DLG2: variants seen among roughly 807,000 people sequenced by gnomAD.
The protein encoded by DLG2 is discs large MAGUK scaffold protein 2.
Under a neutral mutation model 132.5 loss-of-function variants are expected in DLG2, and 45 were observed. That is an observed-to-expected ratio of 0.34 (90% CI 0.27 to 0.44). The LOEUF is 0.44. Ranked by LOEUF, DLG2 falls within the 20% of genes least tolerant of loss-of-function variation. The pLI is 1.00. For synonymous variants in DLG2, 424 were observed against 419.6 expected (o/e 1.01, Z -0.13); for missense variants, 1,045 against 1,196.9 (o/e 0.87, Z 1.87).
intron 7 of DLG2, among the ~76,000 whole-genome samples, chr11:84,356,238 G>C (rs932114525): frequency 6.6e-6 from 1 of 152,050 alleles, no homozygotes; most frequent in Non-Finnish European, 1.5e-5. Flanking sequence ...ATAAAGACCA[G>C]CTTTTTCTAG....
chr11:84,373,911 A>G (rs1449589677), intron 7 of DLG2, among the ~76,000 whole-genome samples: 1 of 152,206 alleles, frequency 6.6e-6, no homozygotes, highest in Non-Finnish European at 1.5e-5. Context: ...AAATATAAAC[A>G]TAAGGATGAT....
intron 6 of DLG2, among the ~76,000 whole-genome samples, chr11:84,959,891 GA>G (rs889174164): frequency 1.1e-4 from 16 of 151,144 alleles, no homozygotes; most frequent in East Asian, 3.9e-4. Context: ...AGACAATGAG[GA>G]AAAAAAAACT....
chr11:85,104,988 TA>T (rs1226582073), intron 6 of DLG2, among the ~76,000 whole-genome samples: 2 of 150,102 alleles, frequency 1.3e-5, no homozygotes, highest in Non-Finnish European at 3.0e-5. Flanking sequence ...AGGAAAATAT[TA>T]AAAATTACAG....
intron 2 of DLG2, among the ~76,000 whole-genome samples, chr11:85,623,167 A>G (rs547430608): frequency 2.0e-5 from 3 of 152,276 alleles, no homozygotes; most frequent in African/African-American, 7.2e-5. Flanking sequence ...CTTTCAGTAC[A>G]TGATAAAAAT....
intron 7 of DLG2, among the ~76,000 whole-genome samples, chr11:84,458,104 T>C (rs2099070268): frequency 6.6e-6 from 1 of 150,894 alleles, no homozygotes; most frequent in Admixed American, 6.6e-5. Context: ...AGCTACTAAT[T>C]ATAATTTTCC....
chr11:83,729,828 C>T (rs1278319161), intron 18 of DLG2, among the ~76,000 whole-genome samples: 5 of 152,140 alleles, frequency 3.3e-5, no homozygotes, highest in African/African-American at 1.2e-4. Context: ...CATTTCTATA[C>T]AGATTCATTT....
chr11:85,533,060 A>G (rs2075323520), intron 3 of DLG2, among the ~76,000 whole-genome samples: 1 of 151,998 alleles, frequency 6.6e-6, no homozygotes, highest in Non-Finnish European at 1.5e-5. Flanking sequence ...GTCTCAGTCT[A>G]TCACTCAGGC....
At chr11:84,283,888 A>G (rs529152136) in intron 7 of DLG2, among the ~76,000 whole-genome samples, 1 of 152,336 alleles carries the variant, frequency 6.6e-6, no homozygotes, top group Admixed American at 6.5e-5. Flanking sequence ...TATATTTACC[A>G]GGATTTTCTG....
At chr11:85,060,490 T>TAC (rs891757694) in intron 6 of DLG2, among the ~76,000 whole-genome samples, 1 of 151,014 alleles carries the variant, frequency 6.6e-6, no homozygotes, top group Non-Finnish European at 1.5e-5. Context: ...TATATATATA[T>TAC]ACACGCATAT....
intron 8 of DLG2, among the ~76,000 whole-genome samples, chr11:84,194,749 C>T (rs1246965147): frequency 2.0e-5 from 3 of 152,214 alleles, no homozygotes; most frequent in Admixed American, 1.3e-4. Flanking sequence ...GTATCTGGTG[C>T]CTACTGGGAC....
intron 3 of DLG2, among the ~76,000 whole-genome samples, chr11:85,591,555 A>G (rs138997537): frequency 0.018 from 2,675 of 152,304 alleles, 38 homozygotes; most frequent in Middle Eastern, 0.068. Context: ...CCTGGTCAAC[A>G]TGGTGAAACC....
At chr11:85,517,255 C>G (rs1377595992) in intron 3 of DLG2, among the ~76,000 whole-genome samples, 2 of 151,772 alleles carry the variant, frequency 1.3e-5, no homozygotes, top group African/African-American at 4.8e-5. Flanking sequence ...AAAACCCTCC[C>G]CAAGATAGGC....
At chr11:84,343,534 C>A (rs775738283) in intron 7 of DLG2, among the ~76,000 whole-genome samples, 1 of 152,082 alleles carries the variant, frequency 6.6e-6, no homozygotes, top group Non-Finnish European at 1.5e-5. Context: ...TCCTTGTCTT[C>A]GAGGAGCTTG....
At chr11:84,105,078 A>C (rs940390038) in intron 9 of DLG2, among the ~76,000 whole-genome samples, 1 of 152,156 alleles carries the variant, frequency 6.6e-6, no homozygotes, top group Non-Finnish European at 1.5e-5. Context: ...ATTATATCAC[A>C]TTGTCTCTTC....
chr11:83,793,598 A>C (rs1463970997), intron 17 of DLG2, among the ~76,000 whole-genome samples: 1 of 152,166 alleles, frequency 6.6e-6, no homozygotes, highest in Admixed American at 6.5e-5. Context: ...GAAGGAACAA[A>C]GGATTTGCAG....
chr11:83,470,517 G>A (rs1475229978), intron 24 of DLG2, among the ~76,000 whole-genome samples: 1 of 152,156 alleles, frequency 6.6e-6, no homozygotes, highest in Non-Finnish European at 1.5e-5. Flanking sequence ...AGGTGAAAGG[G>A]AAAGCAGAAA....
chr11:84,043,453 G>A (rs952341307), intron 11 of DLG2, among the ~76,000 whole-genome samples: 12 of 151,632 alleles, frequency 7.9e-5, no homozygotes, highest in African/African-American at 2.7e-4. Context: ...GGGTCACAAG[G>A]GTTTGTTGTA....
intron 9 of DLG2, among the ~76,000 whole-genome samples, chr11:84,161,572 CCA>C (rs983239691): frequency 1.1e-4 from 16 of 152,156 alleles, no homozygotes; most frequent in African/African-American, 3.9e-4. Flanking sequence ...AGACTAGAAC[CCA>C]CAGTTGTCTG....
chr11:85,466,007 G>A (rs1275934979), intron 3 of DLG2, among the ~76,000 whole-genome samples: 11 of 152,224 alleles, frequency 7.2e-5, no homozygotes, highest in East Asian at 3.9e-4. Context: ...TCTAACTGGC[G>A]TGAGATGGTA....
Sources: allele counts gnomAD v4.1 joint callset (sites outside exome capture counted in the v4.1 genomes callset), GRCh38; gene constraint gnomAD v4.1.1; transcripts MANE v1.5; gene names NCBI Gene and HGNC (gene_info 2026-07-23, HGNC 2026-07-21).